Variants in MAD1L1 observed in about 807,000 individuals in gnomAD.
The protein encoded by MAD1L1 is mitotic arrest deficient 1 like 1.
Under a neutral mutation model 96.9 loss-of-function variants are expected in MAD1L1, and 95 were observed. The ratio of observed to expected loss-of-function variants is 0.98; its 90% CI spans 0.83 to 1.16. The LOEUF (loss-of-function observed/expected upper bound fraction) is 1.16, where lower values mean the gene tolerates loss of function less well. MAD1L1 is among the 50% of genes most tolerant of loss of function. MAD1L1 has a pLI of 0.00. For synonymous variants in MAD1L1, 473 were observed against 396.6 expected (o/e 1.19, Z -2.29); for missense variants, 1,007 against 954.4 (o/e 1.06, Z -0.73).
At chr7:2,165,920 A>G (rs927887931) in intron 10 of MAD1L1, among the ~76,000 whole-genome samples, 1 of 152,124 alleles carries the variant, frequency 6.6e-6, no homozygotes, top group Non-Finnish European at 1.5e-5. Flanking sequence ...CCCAGGGTAC[A>G]CCTGTGCCTG....
chr7:2,161,433 G>C (rs1225535228), intron 10 of MAD1L1, among the ~76,000 whole-genome samples: 9 of 152,056 alleles, frequency 5.9e-5, no homozygotes, highest in Non-Finnish European at 2.9e-5. Flanking sequence ...CTGGAGTGCA[G>C]TGGCGTGATC....
Position 1,819,206 on chromosome 7 carries a change from TG to T in MAD1L1, c.1999-2979del, listed in dbSNP as rs1240734845. ...ACGGGCTGCTCACTTAAAATTAAAC[TG>T]CAATTTTTTAAAAAGCAAATTGCCA... is the stretch of plus-strand genomic sequence containing the variant. On this transcript the variant is annotated intron_variant, in intron 18 of 18. Coordinates refer to ENST00000265854, the MANE Select transcript of MAD1L1 (RefSeq NM_001013836.2). Among the ~76,000 whole-genome samples the T allele has an allele frequency of 2.6e-5, 4 of 152,300 alleles. No individual in the cohort carries two copies. The South Asian group carries it at 8.3e-4, about 32-fold the overall frequency.
chr7:2,219,025 A>G (rs867670970), intron 6 of MAD1L1, among the ~76,000 whole-genome samples: 2 of 152,224 alleles, frequency 1.3e-5, no homozygotes, highest in African/African-American at 4.8e-5. Context: ...ACACCATTGC[A>G]CTCCAGGCTG....
At chr7:2,224,221 C>T (rs2115014909) in intron 4 of MAD1L1, among the ~76,000 whole-genome samples, 1 of 152,256 alleles carries the variant, frequency 6.6e-6, no homozygotes, top group East Asian at 1.9e-4. Context: ...CAGCCACAGC[C>T]ATACCATCAG....
chr7:2,093,747 G>C (rs1584303083), intron 11 of MAD1L1, among the ~76,000 whole-genome samples: 1 of 152,186 alleles, frequency 6.6e-6, no homozygotes, highest in East Asian at 1.9e-4. Context: ...CACTGGCACT[G>C]GCTGGGCAAC....
intron 18 of MAD1L1, among the ~76,000 whole-genome samples, chr7:1,853,943 C>T (rs1784110117): frequency 6.6e-6 from 1 of 152,352 alleles, no homozygotes; most frequent in Admixed American, 6.5e-5. Context: ...ATCTTTTGGT[C>T]ATTTATCAGG....
At chr7:1,939,947 T>C (rs1277044941) in intron 16 of MAD1L1, 1 of 152,608 alleles carries the variant, frequency 6.6e-6, no homozygotes, top group South Asian at 2.1e-4. Context: ...GAGGAGAGGA[T>C]GGGGAAGAAG....
At chr7:2,014,423 C>T in intron 13 of MAD1L1, 79 bp downstream of exon 13, 1 of 1,477,064 alleles carries the variant, frequency 6.8e-7, no homozygotes, top group Non-Finnish European at 9.0e-7. Context: ...ACCTCCACCT[C>T]CCCGCCGCAG....
chr7:1,942,186 T>C (rs1478660600), intron 16 of MAD1L1, among the ~76,000 whole-genome samples: 1 of 152,300 alleles, frequency 6.6e-6, no homozygotes, highest in East Asian at 1.9e-4. Context: ...GGGGTGGAGC[T>C]GCCACTCATG....
At chr7:2,178,859 T>C (rs922596816) in intron 10 of MAD1L1, among the ~76,000 whole-genome samples, 1 of 148,896 alleles carries the variant, frequency 6.7e-6, no homozygotes, top group Non-Finnish European at 1.5e-5. Context: ...ATCACATCAC[T>C]GCACTTCAGC....
At chr7:1,928,357 C>T (rs1046076882) in intron 17 of MAD1L1, among the ~76,000 whole-genome samples, 3 of 151,766 alleles carry the variant, frequency 2.0e-5, no homozygotes, top group Non-Finnish European at 4.4e-5. Flanking sequence ...ACTCCTGCCA[C>T]GCCAGACACT....
Position 2,216,144 on chromosome 7 carries a change from C to T in MAD1L1, c.809+13G>A, listed in dbSNP as rs570613905. 11 of 1,611,190 alleles carry T rather than the reference C, an allele frequency of 6.8e-6. No individual in the cohort carries two copies. The highest frequency in any genetic ancestry group is 1.3e-5 in the African/African-American group (1 of 74,918). ...CACTCGAGGCGGCTGCCCCATCCCCCGCAACCCCTCACCGCAGGTGCGCGC... is the reference window on the plus strand; with the variant it reads ...CACTCGAGGCGGCTGCCCCATCCCCTGCAACCCCTCACCGCAGGTGCGCGC... On this transcript the variant is annotated intron_variant, in intron 8 of 18. Transcript: ENST00000265854.
In MAD1L1 at chr7:1,816,215, G is replaced by T. The variant is rs577277453; in HGVS notation, c.2012C>A (p.Ser671Ter). ...DCLIFKATSP[S>*]GSKMQLLETE... ...CTCCAGTAGCTGCATCTTGGAACCC[G>T]AGGGGCTGGTGGCCTGCGGGGCAGT... The change falls in exon 19 of 19, where the codon TCG becomes TAG. Residue 671 changes from serine (S) to a stop codon, truncating the protein, a stop_gained. Transcript: ENST00000265854. LOFTEE classifies it high-confidence loss of function. 2.2e-5 allele frequency: 36 copies of T among 1,612,662 alleles called. No homozygotes were observed. In the South Asian group the frequency reaches 4.0e-4, roughly 18 times the overall value.
At chr7:1,862,131 G>T (rs1784563249) in intron 18 of MAD1L1, among the ~76,000 whole-genome samples, 1 of 152,222 alleles carries the variant, frequency 6.6e-6, no homozygotes, top group African/African-American at 2.4e-5. Context: ...GAGCTGCTCA[G>T]GGGTGTCTGG....
chr7:2,191,814 T>C (rs1791733518), intron 10 of MAD1L1, among the ~76,000 whole-genome samples: 1 of 151,870 alleles, frequency 6.6e-6, no homozygotes, highest in African/African-American at 2.4e-5. Context: ...AGGCGGATCA[T>C]GAGGTCAGGA....
chr7:1,974,206 T>C (rs1210267963), intron 15 of MAD1L1, among the ~76,000 whole-genome samples: 1 of 152,158 alleles, frequency 6.6e-6, no homozygotes, highest in African/African-American at 2.4e-5. Context: ...TCACCCAGGC[T>C]GGAGAGGAAA....
At chr7:2,178,983 C>T (rs1346165848) in intron 10 of MAD1L1, among the ~76,000 whole-genome samples, 2 of 151,940 alleles carry the variant, frequency 1.3e-5, no homozygotes, top group African/African-American at 4.8e-5. Flanking sequence ...TTTACTCATC[C>T]AAAACACCAT....
At chr7:2,170,289 C>A (rs1238764568) in intron 10 of MAD1L1, among the ~76,000 whole-genome samples, 1 of 152,232 alleles carries the variant, frequency 6.6e-6, no homozygotes, top group Admixed American at 6.5e-5. Flanking sequence ...GTCCCATCCC[C>A]AACTGCCACC....
At chr7:2,226,253 A>G (rs1793889444) in intron 3 of MAD1L1, among the ~76,000 whole-genome samples, 1 of 152,230 alleles carries the variant, frequency 6.6e-6, no homozygotes, top group Non-Finnish European at 1.5e-5. Context: ...TCCCACAGCA[A>G]TGAAACCTAC....
Sources: gnomAD v4.1 joint callset for allele counts (sites outside exome capture counted in the v4.1 genomes callset) on GRCh38, gnomAD v4.1.1 for gene constraint, MANE v1.5 for transcripts, NCBI Gene and HGNC (gene_info 2026-07-23, HGNC 2026-07-21) for gene names.